The following INPP5K variants were observed in gnomAD, a reference collection of about 807,000 sequenced individuals.
INPP5K encodes inositol polyphosphate 5-phosphatase K.
Under a neutral mutation model 53.5 loss-of-function variants are expected in INPP5K, and 35 were observed. The ratio of observed to expected loss-of-function variants is 0.65; its 90% CI spans 0.50 to 0.87. The LOEUF is 0.87. Among genes scored for constraint, INPP5K ranks in the 40% least tolerant of loss-of-function variants. The pLI is 0.00. For missense variants in INPP5K, 550 were observed against 586.2 expected, an observed-to-expected ratio of 0.94 and a Z score of 0.64; for synonymous variants, 253 against 232.8, an observed-to-expected ratio of 1.09 and a Z score of -0.79.
intron 7 of INPP5K, among the ~76,000 whole-genome samples, chr17:1,500,169 G>C (rs1012897774): frequency 1.3e-5 from 2 of 152,238 alleles, no homozygotes; most frequent in Non-Finnish European, 2.9e-5. Context: ...AAGTCCCCAA[G>C]TAGGGCTTTC....
In INPP5K at chr17:1,513,893, T is replaced by C. The variant is rs1053025429; in HGVS notation, c.131A>G (p.Asn44Ser). 10 of 1,612,894 alleles carry C rather than the reference T, an allele frequency of 6.2e-6. No homozygotes were observed. The highest frequency in any genetic ancestry group is 2.7e-5 in the African/African-American group (2 of 74,884). Residue 44 changes from asparagine (N) to serine (S), a missense_variant, in exon 2 of 12, where the codon AAT (asparagine) becomes AGT (serine). Asn to Ser is a conservative substitution (Grantham distance 46, BLOSUM62 1). Coordinates refer to ENST00000421807, the MANE Select transcript of INPP5K (RefSeq NM_016532.4). ...CTACCCAATAACATATATGTCAAGATTGAGGTTCCGGTTGTTCAGCTGAAG... is the reference window on the plus strand; with the variant it reads ...CTACCCAATAACATATATGTCAAGACTGAGGTTCCGGTTGTTCAGCTGAAG... ...DLLQLNNRNL[N>S]LDIYVIGLQE...
Position 1,513,481 on chromosome 17 carries a change from T to C in INPP5K, c.233A>G (p.Asp78Gly). The C allele has an allele frequency of 1.2e-6, 2 of 1,614,076 alleles. No homozygotes were observed. Among genetic ancestry groups the C allele is most frequent in the Non-Finnish European group, 1.7e-6 (2 of 1,179,982 alleles). ...FNDSWSSFLM[D>G]VLSPLSFIKV... ...GATGAAGCTCAGAGGGGAAAGCACA[T>C]CCATGAGGAAACTGCTCCACGAGTC... Residue 78 changes from aspartate (D) to glycine (G), a missense_variant, in exon 3 of 12, where the codon GAT (aspartate) becomes GGT (glycine). Asp to Gly is a moderately conservative substitution (Grantham distance 94, BLOSUM62 -1). Transcript: ENST00000421807.
At chr17:1,513,591 C>T (rs1317869578) in intron 2 of INPP5K, 30 bp from the exon 3 acceptor site, 2 of 1,582,858 alleles carry the variant, frequency 1.3e-6, no homozygotes, top group African/African-American at 2.7e-5. Context: ...GGCTTGGCCC[C>T]TGGCCTCCAG....
At chr17:1,500,662 C>T (rs1038010988) in intron 7 of INPP5K, among the ~76,000 whole-genome samples, 2 of 152,118 alleles carry the variant, frequency 1.3e-5, no homozygotes, top group African/African-American at 4.8e-5. Context: ...CCGCGCCCGG[C>T]CACTGAAACA....
rs1216993417 is a variant in INPP5K, at chr17:1,508,838, G to A, written c.554+340C>T. On this transcript the variant is annotated intron_variant, in intron 5 of 11. Coordinates refer to ENST00000421807, the MANE Select transcript of INPP5K (RefSeq NM_016532.4). The stretch of plus-strand genomic sequence containing the variant: ...CTGCAGACCCAGGCTCACTCGTGGG[G>A]GTCAGCGTGGGGCAGAGGGCGGGGA... 6 of 280,188 alleles carry A rather than the reference G, an allele frequency of 2.1e-5. No homozygotes were observed. In the Admixed American group the frequency reaches 2.4e-4, roughly 11 times the overall value. 17.4% of individuals were successfully genotyped at this position (280,188 alleles called of 1,614,324 possible).
chr17:1,496,608 C>G (rs1012387549), intron 9 of INPP5K, 58 bp downstream of exon 9: 1 of 1,596,852 alleles, frequency 6.3e-7, no homozygotes, highest in African/African-American at 1.3e-5. Context: ...CAGGAGCCCT[C>G]GGGAAGGATG....
In INPP5K at chr17:1,496,950, A is replaced by G. The variant is rs372977277; in HGVS notation, c.964-147T>C. The G allele has an allele frequency of 3.1e-5, 24 of 767,820 alleles. No individual in the cohort carries two copies. The East Asian group carries it at 5.9e-4, about 19-fold the overall frequency. The allele number at this position is 767,820 out of a possible 1,614,324, so 47.6% of individuals were successfully genotyped here. A position where few individuals can be genotyped will look rare whatever the true frequency, so the allele number is the denominator to read the frequency against. On this transcript the variant is annotated intron_variant, in intron 8 of 11. Coordinates refer to ENST00000421807, the MANE Select transcript of INPP5K (RefSeq NM_016532.4). ...CATGGAACTCCACTGGGCTGCTCCA[A>G]CGGACCTTGGCTGGCCATCAGGAAA...
chr17:1,507,842 G>A, intron 6 of INPP5K: 1 of 311,696 alleles, frequency 3.2e-6, no homozygotes, highest in South Asian at 4.6e-5. Context: ...ACCGTGCCCG[G>A]CCCCTATTCT....
intron 1 of INPP5K, among the ~76,000 whole-genome samples, chr17:1,514,534 C>A (rs143001329): frequency 6.6e-6 from 1 of 152,136 alleles, no homozygotes; most frequent in South Asian, 2.1e-4. Flanking sequence ...CACCCACACC[C>A]GGCAGCACTG....
At chr17:1,508,494 G>C in intron 5 of INPP5K, 1 of 443,470 alleles carries the variant, frequency 2.3e-6, no homozygotes, top group Non-Finnish European at 4.1e-6. Flanking sequence ...CTGGTCACGA[G>C]GAAAGGCTGA....
chr17:1,515,522 G>C (rs1173399941), intron 1 of INPP5K: 2 of 985,524 alleles, frequency 2.0e-6, no homozygotes, highest in Non-Finnish European at 2.4e-6. Flanking sequence ...ACCCTGCAGA[G>C]ACCAGGAACA....
intron 3 of INPP5K, among the ~76,000 whole-genome samples, chr17:1,511,671 A>G (rs1598389763): frequency 6.6e-6 from 1 of 152,088 alleles, no homozygotes; most frequent in Non-Finnish European, 1.5e-5. Flanking sequence ...TCCTACACCC[A>G]AGCACACGTG....
At chr17:1,516,174 T>G in intron 1 of INPP5K, 2 of 1,155,954 alleles carry the variant, frequency 1.7e-6, no homozygotes, top group Non-Finnish European at 1.1e-6. Flanking sequence ...GACGGCCTCG[T>G]TATGTCTTTA....
At position 1,495,814 on chromosome 17, in the gene INPP5K, C is replaced by T. The variant is rs2074815787; in HGVS notation, c.*9G>A. 2 of 1,609,576 alleles carry T rather than the reference C, an allele frequency of 1.2e-6. No homozygotes were observed. The highest frequency in any genetic ancestry group is 1.7e-6 in the Non-Finnish European group (2 of 1,176,484). On this transcript the variant is annotated 3_prime_UTR_variant, in exon 12 of 12. Transcript: ENST00000421807. The stretch of plus-strand genomic sequence containing the variant: ...CTGGCCTCCGCCTGGGATTCACTCC[C>T]ATCCTGGCTCAGATCTGTGGCTGTG...
rs1463665473 is a variant in INPP5K at position 1,497,954 on chromosome 17, G to GGA, written c.943_944dup (p.Gly316ProfsTer8). ...AGTTCACCTCCAAGTCGAACGTGCCGGAGACAGGCTTGTGGTCGCTGATGC... is the reference window on the plus strand; with the variant it reads ...AGTTCACCTCCAAGTCGAACGTGCCGGAGAGACAGGCTTGTGGTCGCTGATGC... On this transcript the variant is annotated frameshift_variant, in exon 8 of 12. Transcript: ENST00000421807. LOFTEE classifies it high-confidence loss of function. The GGA allele has an allele frequency of 6.2e-7, 1 of 1,613,416 alleles. No homozygotes were observed. Among genetic ancestry groups the GGA allele is most frequent in the Non-Finnish European group, 8.5e-7 (1 of 1,179,540 alleles).
intron 1 of INPP5K, among the ~76,000 whole-genome samples, chr17:1,514,478 C>A (rs1452361691): frequency 6.6e-6 from 1 of 152,156 alleles, no homozygotes; most frequent in Admixed American, 6.5e-5. Context: ...TCTGCTGAAG[C>A]AAGAAATCCC....
In INPP5K at chr17:1,496,516, G is replaced by A. The variant is rs753314507; in HGVS notation, c.1102-114C>T. ...TGGCTACCGTACTGTGTGCCTCCCC[G>A]CCGCCCTTCACTGCCAGCCTTTAGC... On this transcript the variant is annotated intron_variant, in intron 9 of 11. Transcript: ENST00000421807. The A allele has an allele frequency of 9.5e-5, 125 of 1,321,748 alleles. 1 individual carries two copies. Among genetic ancestry groups the A allele is most frequent in the Non-Finnish European group, 1.2e-4 (114 of 936,756 alleles). The allele number at this position is 1,321,748 out of a possible 1,614,324, so 81.9% of individuals were successfully genotyped here.
chr17:1,496,146 T>C lies in INPP5K; in HGVS notation c.1204A>G (p.Asn402Asp). ...AACTCATCTTCAGTGGTAGGGATAT[T>C]GCTGATGTCGATGTAAACCTGGAGG... ...NLNQVYIDIS[N>D]IPTTEDEFLL... The change falls in exon 11 of 12, where the codon AAT becomes GAT. Residue 402 changes from asparagine (N) to aspartate (D), a missense_variant. Physicochemically the swap from Asn to Asp is conservative, Grantham distance 23. Transcript: ENST00000421807. 1 of 1,612,014 alleles carries C rather than the reference T, an allele frequency of 6.2e-7. No individual in the cohort carries two copies. Among genetic ancestry groups the C allele is most frequent in the Non-Finnish European group, 8.5e-7 (1 of 1,178,108 alleles).
chr17:1,514,905 C>CTTTTT (rs774754833), intron 1 of INPP5K, among the ~76,000 whole-genome samples: 2 of 134,490 alleles, frequency 1.5e-5, no homozygotes, highest in East Asian at 2.1e-4. Flanking sequence ...TTCAGCGAGA[C>CTTTTT]TTTTTTTTTT....
Sources: allele counts gnomAD v4.1 joint callset (sites outside exome capture counted in the v4.1 genomes callset), GRCh38; gene constraint gnomAD v4.1.1; transcripts MANE v1.5; gene names NCBI Gene and HGNC (gene_info 2026-07-23, HGNC 2026-07-21).